KIRREL3: variants seen among roughly 807,000 people sequenced by gnomAD.
KIRREL3 encodes the protein kin of IRRE-like protein 3.
Under a neutral mutation model 89.7 loss-of-function variants are expected in KIRREL3, and 36 were observed. The observed-to-expected ratio is 0.40, with a 90% CI of 0.31 to 0.53. The LOEUF (loss-of-function observed/expected upper bound fraction) is 0.53. Among genes scored for constraint, KIRREL3 ranks in the 20% least tolerant of loss-of-function variants. The pLI is 0.49. For missense variants in KIRREL3, 864 were observed against 1,056.6 expected, an observed-to-expected ratio of 0.82 and a Z score of 2.53; for synonymous variants, 445 against 441.4, an observed-to-expected ratio of 1.01 and a Z score of -0.10.
In KIRREL3 at chr11:126,696,374, T is replaced by G. The variant is rs145189813; in HGVS notation, c.56-133462A>C. On this transcript the variant is annotated intron_variant, in intron 1 of 16. Transcript: ENST00000525144. The surrounding 1 kb of genome is among the most constrained non-coding windows in gnomAD (Gnocchi z 4.4). ...TTGCCTTGTGTGGTTGATGGTGACA[T>G]CATCCATCCAATTTCTTATCCTGTA... Among the ~76,000 whole-genome samples the G allele has an allele frequency of 6.2e-3, 937 of 152,168 alleles. 2 individuals carry two copies. Among genetic ancestry groups the G allele is most frequent in the African/African-American group, 0.021 (892 of 41,498 alleles).
At chr11:126,595,239 G>A (rs1942340244) in intron 1 of KIRREL3, among the ~76,000 whole-genome samples, 1 of 152,248 alleles carries the variant, frequency 6.6e-6, no homozygotes. Context: ...AGACAAAGGA[G>A]CTGCAGTCAG....
intron 1 of KIRREL3, among the ~76,000 whole-genome samples, chr11:126,886,036 G>C (rs1385920389): frequency 6.6e-6 from 1 of 152,078 alleles, no homozygotes; most frequent in Non-Finnish European, 1.5e-5. Context: ...CTCTTCTCTA[G>C]CTCAATGTCT....
chr11:126,698,540 C>T (rs1379981861), intron 1 of KIRREL3, among the ~76,000 whole-genome samples: 3 of 152,322 alleles, frequency 2.0e-5, no homozygotes, highest in Middle Eastern at 3.4e-3. Context: ...GACACCGGCC[C>T]GTGCATCCCG....
rs1229046300 is a variant in KIRREL3 at position 126,664,315 on chromosome 11, C to T, written c.56-101403G>A. 1.3e-5 allele frequency among the ~76,000 whole-genome samples: 2 copies of T among 151,848 alleles called. No homozygotes were observed. Among genetic ancestry groups the T allele is most frequent in the Admixed American group, 6.6e-5 (1 of 15,238 alleles). ...AGCAGGCAAAGTACAAAGAGGCTCA[C>T]ACAGAACCTATCCTTGTCCTATGTG... On this transcript the variant is annotated intron_variant, in intron 1 of 16. Transcript: ENST00000525144. The surrounding 1 kb of genome is among the most constrained non-coding windows in gnomAD (Gnocchi z 5.4).
intron 4 of KIRREL3, among the ~76,000 whole-genome samples, chr11:126,517,910 C>T (rs542399559): frequency 5.9e-5 from 9 of 152,312 alleles, no homozygotes; most frequent in South Asian, 2.1e-4. Flanking sequence ...GTTTCCGTGA[C>T]GCTGTGATTC....
chr11:126,865,722 A>G (rs1258620964), intron 1 of KIRREL3, among the ~76,000 whole-genome samples: 1 of 152,212 alleles, frequency 6.6e-6, no homozygotes, highest in Non-Finnish European at 1.5e-5. Context: ...GAATTTAAGG[A>G]ATGAGAGCAG....
intron 1 of KIRREL3, among the ~76,000 whole-genome samples, chr11:126,584,227 A>G (rs892310512): frequency 6.6e-6 from 1 of 152,170 alleles, no homozygotes; most frequent in African/African-American, 2.4e-5. Context: ...ATAGCCTGGG[A>G]GCACAGTCTG....
At chr11:126,749,083 A>C (rs932694399) in intron 1 of KIRREL3, among the ~76,000 whole-genome samples, 1 of 152,106 alleles carries the variant, frequency 6.6e-6, no homozygotes, top group Non-Finnish European at 1.5e-5. Flanking sequence ...GCCTCTGCCC[A>C]GTCACTCCTC....
intron 1 of KIRREL3, among the ~76,000 whole-genome samples, chr11:126,950,356 A>T (rs931680017): frequency 9.9e-5 from 15 of 151,972 alleles, no homozygotes; most frequent in African/African-American, 3.6e-4. Context: ...ACAGAGCAAG[A>T]CTCCATCTGA....
At position 126,844,246 on chromosome 11, in the gene KIRREL3, G is replaced by A. The variant is rs1768069609; in HGVS notation, c.55+156209C>T. On this transcript the variant is annotated intron_variant, in intron 1 of 16. Transcript: ENST00000525144. This position sits in a 1 kb window ranked among gnomAD's most constrained non-coding sequence, Gnocchi z 4.8. ...TGGTGACCACAGAAGAGACAATACTGAGAAAACCCCGACCCAAATGCTAAC... is the reference window on the plus strand; with the variant it reads ...TGGTGACCACAGAAGAGACAATACTAAGAAAACCCCGACCCAAATGCTAAC... 6.6e-6 allele frequency among the ~76,000 whole-genome samples: 1 copy of A among 151,874 alleles called. No individual in the cohort carries two copies. The highest frequency in any genetic ancestry group is 2.4e-5 in the African/African-American group (1 of 41,346).
In KIRREL3 at chr11:126,516,937, C is replaced by G. The variant is rs191012481; in HGVS notation, c.433+4378G>C. Reference sequence around the variant, plus strand: ...GCTAAAAATACAAAAATTAGCCAGGCGTGGTGGCACGTGCCTGTAATCCCA... The same window carrying G: ...GCTAAAAATACAAAAATTAGCCAGGGGTGGTGGCACGTGCCTGTAATCCCA... On this transcript the variant is annotated intron_variant, in intron 4 of 16. Coordinates refer to ENST00000525144, the MANE Select transcript of KIRREL3 (RefSeq NM_032531.4). The surrounding 1 kb of genome is among the most constrained non-coding windows in gnomAD (Gnocchi z 4.9). Among the ~76,000 whole-genome samples, 1 of 151,970 alleles carries G rather than the reference C, an allele frequency of 6.6e-6. No homozygotes were observed. Among genetic ancestry groups the G allele is most frequent in the Non-Finnish European group, 1.5e-5 (1 of 68,008 alleles).
Position 126,623,068 on chromosome 11 carries a change from C to T in KIRREL3, c.56-60156G>A, listed in dbSNP as rs1324721720. Among the ~76,000 whole-genome samples the T allele has an allele frequency of 2.0e-5, 3 of 152,138 alleles. No individual in the cohort carries two copies. Among genetic ancestry groups the T allele is most frequent in the South Asian group, 2.1e-4 (1 of 4,818 alleles). On this transcript the variant is annotated intron_variant, in intron 1 of 16. Coordinates refer to ENST00000525144, the MANE Select transcript of KIRREL3 (RefSeq NM_032531.4). The surrounding 1 kb of genome is among the most constrained non-coding windows in gnomAD (Gnocchi z 4.1). ...AATATGATATTTACAATTTACAAAGCGTTATCCACTAGTTATCTCACTGAT... is the reference window on the plus strand; with the variant it reads ...AATATGATATTTACAATTTACAAAGTGTTATCCACTAGTTATCTCACTGAT...
At position 126,812,481 on chromosome 11, in the gene KIRREL3, C is replaced by T. The variant is rs556629803; in HGVS notation, c.55+187974G>A. ...GAATGGTGAACCCTGAGCATCTTTC[C>T]CATGAAAGGCAAGACAGATGCACAC... On this transcript the variant is annotated intron_variant, in intron 1 of 16. Transcript: ENST00000525144. This position sits in a 1 kb window ranked among gnomAD's most constrained non-coding sequence, Gnocchi z 5.2. Among the ~76,000 whole-genome samples the T allele has an allele frequency of 6.6e-6, 1 of 152,238 alleles. No homozygotes were observed. The highest frequency in any genetic ancestry group is 1.5e-5 in the Non-Finnish European group (1 of 68,010).
rs149464158 is a variant in KIRREL3 at position 126,853,475 on chromosome 11, AT to A, written c.55+146979del. Reference sequence around the variant, plus strand: ...CATTTTTAAATGGGTAAAAGAAGTGATGTCAGTTTTAATATGCTTTTCATGA... The same window carrying A: ...CATTTTTAAATGGGTAAAAGAAGTGAGTCAGTTTTAATATGCTTTTCATGA... On this transcript the variant is annotated intron_variant, in intron 1 of 16. Coordinates refer to ENST00000525144, the MANE Select transcript of KIRREL3 (RefSeq NM_032531.4). Among the ~76,000 whole-genome samples, 390 of 152,350 alleles carry A rather than the reference AT, an allele frequency of 2.6e-3. 1 individual carries two copies. The highest frequency in any genetic ancestry group is 9.0e-3 in the African/African-American group (376 of 41,582).
At position 126,811,106 on chromosome 11, in the gene KIRREL3, T is replaced by C. The variant is rs1048242866; in HGVS notation, c.55+189349A>G. Among the ~76,000 whole-genome samples, 1 of 151,838 alleles carries C rather than the reference T, an allele frequency of 6.6e-6. No individual in the cohort carries two copies. The highest frequency in any genetic ancestry group is 1.5e-5 in the Non-Finnish European group (1 of 67,950). Reference sequence around the variant, plus strand: ...GGCCCTGCTGAGGGCCAAATAGGAGTGTTGACATCCCCTTCTAAGCTCCCG... The same window carrying C: ...GGCCCTGCTGAGGGCCAAATAGGAGCGTTGACATCCCCTTCTAAGCTCCCG... On this transcript the variant is annotated intron_variant, in intron 1 of 16. Coordinates refer to ENST00000525144, the MANE Select transcript of KIRREL3 (RefSeq NM_032531.4). This position sits in a 1 kb window ranked among gnomAD's most constrained non-coding sequence, Gnocchi z 4.3.
chr11:126,457,205 G>GTGTGTA (rs1407603515), intron 6 of KIRREL3, among the ~76,000 whole-genome samples: 6 of 151,414 alleles, frequency 4.0e-5, no homozygotes, highest in African/African-American at 7.3e-5. Flanking sequence ...GTGTGTGTGT[G>GTGTGTA]TGTGTATGTG....
chr11:126,430,318 G>A lies in KIRREL3; in HGVS notation c.1697-1030C>T, dbSNP rs1955084409. On this transcript the variant is annotated intron_variant, in intron 14 of 16. Coordinates refer to ENST00000525144, the MANE Select transcript of KIRREL3 (RefSeq NM_032531.4). This position sits in a 1 kb window ranked among gnomAD's most constrained non-coding sequence, Gnocchi z 6.6. Reference sequence around the variant, plus strand: ...AAAATAGCAAGGCATGATGGCACACGCCTGTAATCCCAGCGACTCAGGAGG... The same window carrying A: ...AAAATAGCAAGGCATGATGGCACACACCTGTAATCCCAGCGACTCAGGAGG... 2.6e-5 allele frequency among the ~76,000 whole-genome samples: 4 copies of A among 152,128 alleles called. No individual in the cohort carries two copies. The highest frequency in any genetic ancestry group is 4.1e-4 in the South Asian group (2 of 4,828).
rs982134567 is a variant in KIRREL3, at chr11:126,525,287, A to C, written c.283+1251T>G. On this transcript the variant is annotated intron_variant, in intron 3 of 16. Transcript: ENST00000525144. The surrounding 1 kb of genome is among the most constrained non-coding windows in gnomAD (Gnocchi z 5.4). ...ATCCCAGCTCGGAGCCATTCAGTGC[A>C]TGAACTATTCTAGTTTGGGAAGGTT... 3.3e-5 allele frequency among the ~76,000 whole-genome samples: 5 copies of C among 152,324 alleles called. No homozygotes were observed. Among genetic ancestry groups the C allele is most frequent in the African/African-American group, 7.2e-5 (3 of 41,570 alleles).
At chr11:126,775,022 AAC>A (rs1170711837) in intron 1 of KIRREL3, among the ~76,000 whole-genome samples, 1 of 152,180 alleles carries the variant, frequency 6.6e-6, no homozygotes, top group Non-Finnish European at 1.5e-5. Context: ...AGAAAATAAT[AAC>A]AGACTTCCCT....
Sources: allele counts gnomAD v4.1 joint callset (sites outside exome capture counted in the v4.1 genomes callset), GRCh38; gene constraint gnomAD v4.1.1; non-coding constraint Gnocchi (gnomAD v3.1); transcripts MANE v1.5; gene names NCBI Gene and HGNC (gene_info 2026-07-23, HGNC 2026-07-21).